The following ADAMTSL1 variants were observed in gnomAD, a reference collection of about 807,000 sequenced individuals.
ADAMTSL1 encodes ADAMTS like 1, also known as ADAMTS-like protein 1.
Under a neutral mutation model 201.8 loss-of-function variants are expected in ADAMTSL1, and 126 were observed. That is an observed-to-expected ratio of 0.62 (90% CI 0.54 to 0.72). ADAMTSL1 has a LOEUF of 0.72. Among genes scored for constraint, ADAMTSL1 ranks in the 30% least tolerant of loss-of-function variants. The pLI is 0.00. For synonymous variants in ADAMTSL1, 1,121 were observed against 903.4 expected (o/e 1.24, Z -4.32); for missense variants, 2,679 against 2,277.8 (o/e 1.18, Z -3.59).
chr9:18,889,773 G>A (rs1284864103), intron 25 of ADAMTSL1, 25 bp downstream of exon 25: 4 of 1,443,848 alleles, frequency 2.8e-6, no homozygotes, highest in African/African-American at 2.9e-5. Flanking sequence ...CACTGGCTCA[G>A]ACCTCCCCAC....
chr9:18,066,410 C>G (rs1363952742), intron 1 of ADAMTSL1, among the ~76,000 whole-genome samples: 1 of 152,122 alleles, frequency 6.6e-6, no homozygotes, highest in East Asian at 1.9e-4. Flanking sequence ...ATCTAATTAA[C>G]TTTAAGTTGA....
At chr9:18,218,932 A>T (rs1468531678) in intron 2 of ADAMTSL1, among the ~76,000 whole-genome samples, 3 of 152,092 alleles carry the variant, frequency 2.0e-5, no homozygotes, top group Non-Finnish European at 4.4e-5. Context: ...TTAATAAATG[A>T]TTTAATATAA....
intron 3 of ADAMTSL1, 46 bp from the exon 4 acceptor site, chr9:18,573,984 G>A: frequency 6.6e-7 from 1 of 1,508,876 alleles, no homozygotes; most frequent in Non-Finnish European, 9.1e-7. Context: ...CATGTTTGGG[G>A]GTATCCTCCT....
At chr9:17,931,266 C>A (rs1262258745) in intron 1 of ADAMTSL1, among the ~76,000 whole-genome samples, 5 of 152,156 alleles carry the variant, frequency 3.3e-5, no homozygotes, top group Admixed American at 3.3e-4. Flanking sequence ...AGCCCGGGTG[C>A]TGCTTTTGTG....
chr9:18,096,096 A>G (rs1824241136), intron 1 of ADAMTSL1, among the ~76,000 whole-genome samples: 1 of 152,186 alleles, frequency 6.6e-6, no homozygotes, highest in Admixed American at 6.5e-5. Context: ...CCTTTATTAT[A>G]CAACAACAGT....
intron 2 of ADAMTSL1, among the ~76,000 whole-genome samples, chr9:18,296,628 A>T (rs1833487576): frequency 6.6e-6 from 1 of 152,226 alleles, no homozygotes; most frequent in Admixed American, 6.5e-5. Flanking sequence ...ATAAAAAGAA[A>T]AAATGAGTTA....
rs1180624429 is a variant in ADAMTSL1 at position 18,706,863 on chromosome 9, T to C, written c.1691T>C (p.Ile564Thr). Reference protein sequence around the residue: ...SFSQSVADLPIDECEGPKPAS... With the variant: ...SFSQSVADLPTDECEGPKPAS... The stretch of plus-strand genomic sequence containing the variant: ...TCTCAGTCCGTGGCTGACCTGCCTA[T>C]TGACGAGTGTGAAGGGCCCAAGCCA... Residue 564 changes from isoleucine to threonine, a missense_variant, in exon 14 of 29, where the codon ATT (isoleucine) becomes ACT (threonine). Coordinates refer to ENST00000380548, the MANE Select transcript of ADAMTSL1 (RefSeq NM_001040272.6). 1.2e-6 allele frequency: 2 copies of C among 1,613,700 alleles called. No individual in the cohort carries two copies. Among genetic ancestry groups the C allele is most frequent in the African/African-American group, 1.3e-5 (1 of 75,056 alleles).
At chr9:18,768,517 A>T in intron 16 of ADAMTSL1, among the ~76,000 whole-genome samples, 1 of 126,092 alleles carries the variant, frequency 7.9e-6, no homozygotes, top group Non-Finnish European at 1.7e-5. Flanking sequence ...GTCATTTCAC[A>T]TTTTTTGTTA....
intron 2 of ADAMTSL1, among the ~76,000 whole-genome samples, chr9:18,377,958 G>A (rs1837377186): frequency 6.6e-6 from 1 of 152,080 alleles, no homozygotes; most frequent in Non-Finnish European, 1.5e-5. Flanking sequence ...ATAACCTCAA[G>A]TGGGCAATGT....
intron 1 of ADAMTSL1, among the ~76,000 whole-genome samples, chr9:17,941,382 C>A (rs1827231995): frequency 6.6e-6 from 1 of 152,076 alleles, no homozygotes; most frequent in South Asian, 2.1e-4. Context: ...CCAGTGTTAC[C>A]TAAAAAGGCT....
intron 2 of ADAMTSL1, among the ~76,000 whole-genome samples, chr9:18,506,969 G>A (rs901104676): frequency 1.3e-5 from 2 of 151,996 alleles, no homozygotes; most frequent in African/African-American, 4.8e-5. Flanking sequence ...TTATCCACAT[G>A]GATATGTTCT....
intron 7 of ADAMTSL1, among the ~76,000 whole-genome samples, chr9:18,644,852 G>A (rs1827687971): frequency 6.6e-6 from 1 of 151,936 alleles, no homozygotes; most frequent in Admixed American, 6.6e-5. Flanking sequence ...AAACATACGT[G>A]TGCATGTGTC....
chr9:18,504,672 C>T (rs1378363544), intron 1 of ADAMTSL1, among the ~76,000 whole-genome samples, 157 bp from the exon 2 acceptor site: 1 of 152,162 alleles, frequency 6.6e-6, no homozygotes, highest in Non-Finnish European at 1.5e-5. Flanking sequence ...AACATATAGG[C>T]ATTATGAAAT....
At chr9:18,420,936 A>G (rs926786613) in intron 2 of ADAMTSL1, among the ~76,000 whole-genome samples, 6 of 152,214 alleles carry the variant, frequency 3.9e-5, no homozygotes, top group African/African-American at 1.4e-4. Flanking sequence ...TGTGCCAGGC[A>G]TAATCCTCAA....
At chr9:18,820,910 G>A (rs1188418544) in intron 21 of ADAMTSL1, among the ~76,000 whole-genome samples, 1 of 152,162 alleles carries the variant, frequency 6.6e-6, no homozygotes, top group Non-Finnish European at 1.5e-5. Context: ...ATGTGCAAAG[G>A]GCCTGAGGTA....
intron 1 of ADAMTSL1, among the ~76,000 whole-genome samples, chr9:18,017,888 G>A (rs1387074431): frequency 2.0e-5 from 3 of 151,990 alleles, no homozygotes; most frequent in Admixed American, 1.3e-4. Context: ...TGCTAAAATA[G>A]CATTGTACCT....
upstream of ADAMTSL1, among the ~76,000 whole-genome samples, chr9:18,470,632 A>G (rs939492409): frequency 2.6e-5 from 4 of 152,282 alleles, no homozygotes; most frequent in Middle Eastern, 3.4e-3. Flanking sequence ...GAGAGGCTCA[A>G]CCTGAAGAAA....
At chr9:18,647,274 C>T (rs1425056087) in intron 7 of ADAMTSL1, among the ~76,000 whole-genome samples, 1 of 151,992 alleles carries the variant, frequency 6.6e-6, no homozygotes, top group Non-Finnish European at 1.5e-5. Context: ...TGATTCTTCT[C>T]TCTTTTTTTC....
At chr9:18,077,010 T>C (rs779222663) in intron 1 of ADAMTSL1, among the ~76,000 whole-genome samples, 30 of 152,108 alleles carry the variant, frequency 2.0e-4, no homozygotes, top group Non-Finnish European at 4.0e-4. Context: ...ACAGAATGAC[T>C]CCCAGGTTCC....
Sources: allele counts gnomAD v4.1 joint callset (sites outside exome capture counted in the v4.1 genomes callset), GRCh38; gene constraint gnomAD v4.1.1; transcripts MANE v1.5; gene names NCBI Gene and HGNC (gene_info 2026-07-23, HGNC 2026-07-21).